The following CXCL13 variants were observed in gnomAD, a reference collection of about 807,000 sequenced individuals.
The protein encoded by CXCL13 is C-X-C motif chemokine 13.
A neutral mutation model predicts 12.2 loss-of-function variants in CXCL13; 7 were observed. That is an observed-to-expected ratio of 0.57 (90% CI 0.33 to 1.07). CXCL13 has a LOEUF of 1.07. Among genes scored for constraint, CXCL13 ranks in the 50% least tolerant of loss-of-function variants. The pLI, the probability that CXCL13 is intolerant of heterozygous loss-of-function variation, is 0.04. For synonymous variants in CXCL13, 47 were observed against 42.4 expected, an observed-to-expected ratio of 1.11 and a Z score of -0.42; for missense variants, 113 against 127.4, an observed-to-expected ratio of 0.89 and a Z score of 0.55.
At chr4:77,520,761 G>T (rs550716092) in intron 1 of CXCL13, among the ~76,000 whole-genome samples, 1 of 152,284 alleles carries the variant, frequency 6.6e-6, no homozygotes, top group Non-Finnish European at 1.5e-5. Context: ...TGTTGAATAG[G>T]AGTGGTGAGA....
chr4:77,518,565 C>G (rs1195098313), intron 1 of CXCL13, among the ~76,000 whole-genome samples: 2 of 152,066 alleles, frequency 1.3e-5, no homozygotes, highest in Admixed American at 1.3e-4. Context: ...TTGCTGATAC[C>G]CTTTCTTCCA....
rs559262735 is a variant in CXCL13 at position 77,594,983 on chromosome 4, G to A, written c.-42-10841G>A. ...AAATAGAGGGAAAAAAATTGGCCAC[G>A]GTAAGAGTATGTACATCACAGAAAT... On this transcript the variant is annotated intron_variant, in intron 1 of 4. Coordinates refer to the CXCL13 transcript ENST00000286758. 5.3e-5 allele frequency among the ~76,000 whole-genome samples: 8 copies of A among 151,984 alleles called. No homozygotes were observed. In the South Asian group the frequency reaches 8.3e-4, roughly 16 times the overall value.
intron 1 of CXCL13, among the ~76,000 whole-genome samples, chr4:77,532,585 G>A (rs1360444753): frequency 6.6e-6 from 1 of 152,126 alleles, no homozygotes; most frequent in East Asian, 1.9e-4. Flanking sequence ...GAATTTGAAT[G>A]TTGGCCTGCC....
chr4:77,512,842 A>G (rs916065738), intron 1 of CXCL13, among the ~76,000 whole-genome samples: 5 of 152,124 alleles, frequency 3.3e-5, no homozygotes, highest in Non-Finnish European at 7.4e-5. Flanking sequence ...GGTTTCATAC[A>G]TAGGTATACA....
Position 77,567,219 on chromosome 4 carries a change from G to A in CXCL13, c.-42-38605G>A, listed in dbSNP as rs191744630. On this transcript the variant is annotated intron_variant, in intron 1 of 4. Coordinates refer to the CXCL13 transcript ENST00000286758. ...CAAAAAAATTGCTCCTAACTCCACC[G>A]CCTATCCCAAACCTATAAGAACTAA... Among the ~76,000 whole-genome samples the A allele has an allele frequency of 1.8e-3, 269 of 152,066 alleles. 2 individuals are homozygous for A. Among genetic ancestry groups the A allele is most frequent in the African/African-American group, 6.2e-3 (258 of 41,478 alleles).
At chr4:77,559,539 T>C in intron 1 of CXCL13, among the ~76,000 whole-genome samples, 1 of 152,152 alleles carries the variant, frequency 6.6e-6, no homozygotes, top group East Asian at 1.9e-4. Context: ...ACATTACAGC[T>C]ATCGCACAGC....
chr4:77,554,611 A>T lies in CXCL13; in HGVS notation c.-43+42823A>T, dbSNP rs77868217. Among the ~76,000 whole-genome samples, 35 of 152,240 alleles carry T rather than the reference A, an allele frequency of 2.3e-4. No individual in the cohort carries two copies. In the East Asian group the frequency reaches 6.7e-3, roughly 29 times the overall value. ...TTGATCTAGATATTTACAGAACAAC[A>T]TTTCTAGGATGCTCCATGGAACAAC... On this transcript the variant is annotated intron_variant, in intron 1 of 4. Coordinates refer to the CXCL13 transcript ENST00000286758.
intron 1 of CXCL13, among the ~76,000 whole-genome samples, chr4:77,573,864 G>C (rs1355252312): frequency 1.3e-5 from 2 of 151,766 alleles, no homozygotes; most frequent in Non-Finnish European, 2.9e-5. Context: ...TTCCTGACTT[G>C]AATTTTCTTT....
chr4:77,532,960 ACTT>A (rs1302845601), intron 1 of CXCL13, among the ~76,000 whole-genome samples: 1 of 151,816 alleles, frequency 6.6e-6, no homozygotes, highest in Non-Finnish European at 1.5e-5. Flanking sequence ...TAGGTTTTTA[ACTT>A]CTTTGCCATG....
At chr4:77,578,837 C>T (rs563983395) in intron 1 of CXCL13, among the ~76,000 whole-genome samples, 1 of 152,302 alleles carries the variant, frequency 6.6e-6, no homozygotes, top group African/African-American at 2.4e-5. Context: ...AATCACACCC[C>T]CAAATTTTAC....
intron 1 of CXCL13, among the ~76,000 whole-genome samples, chr4:77,569,341 G>A (rs920188279): frequency 6.6e-6 from 1 of 152,190 alleles, no homozygotes; most frequent in Non-Finnish European, 1.5e-5. Flanking sequence ...GTTTGCAGAT[G>A]ACATGATCCT....
chr4:77,524,366 C>A (rs1349785665), intron 1 of CXCL13, among the ~76,000 whole-genome samples: 2 of 152,198 alleles, frequency 1.3e-5, no homozygotes, highest in African/African-American at 2.4e-5. Flanking sequence ...GTAGGCCTTG[C>A]TGAGCTGTGG....
chr4:77,597,410 AT>A (rs1193107733), intron 1 of CXCL13, among the ~76,000 whole-genome samples: 2 of 152,168 alleles, frequency 1.3e-5, no homozygotes, highest in African/African-American at 4.8e-5. Context: ...AAAGATTTCC[AT>A]TCTTTTGGCA....
chr4:77,589,772 C>T (rs557007937), intron 1 of CXCL13, among the ~76,000 whole-genome samples: 2 of 152,154 alleles, frequency 1.3e-5, no homozygotes, highest in Non-Finnish European at 2.9e-5. Context: ...GAGACATGGA[C>T]ATTGACAGAT....
At chr4:77,526,087 A>G (rs1724757300) in intron 1 of CXCL13, among the ~76,000 whole-genome samples, 2 of 152,112 alleles carry the variant, frequency 1.3e-5, no homozygotes. Context: ...CACAGAGAAG[A>G]CTGCAGAAGG....
chr4:77,566,090 T>C (rs567712986), intron 1 of CXCL13, among the ~76,000 whole-genome samples: 13 of 152,318 alleles, frequency 8.5e-5, no homozygotes, highest in Non-Finnish European at 1.6e-4. Context: ...ATCCTCTGTA[T>C]AATTCAGTTC....
chr4:77,522,774 C>T (rs970468396), intron 1 of CXCL13, among the ~76,000 whole-genome samples: 1 of 151,626 alleles, frequency 6.6e-6, no homozygotes, highest in Admixed American at 6.6e-5. Context: ...GGCTATTTTG[C>T]CCGTTTATTG....
intron 1 of CXCL13, among the ~76,000 whole-genome samples, chr4:77,575,577 G>A (rs1275399660): frequency 6.6e-6 from 1 of 151,798 alleles, no homozygotes; most frequent in Admixed American, 6.6e-5. Flanking sequence ...ATATTTTGCT[G>A]AGAATGATGG....
At chr4:77,563,381 G>C (rs1725859544) in intron 1 of CXCL13, among the ~76,000 whole-genome samples, 1 of 152,180 alleles carries the variant, frequency 6.6e-6, no homozygotes, top group Non-Finnish European at 1.5e-5. Context: ...GTTTCCCTGC[G>C]AGATTAATGT....
Sources: gnomAD v4.1 joint callset for allele counts (sites outside exome capture counted in the v4.1 genomes callset) on GRCh38, gnomAD v4.1.1 for gene constraint, MANE v1.5 for transcripts, NCBI Gene and HGNC (gene_info 2026-07-23, HGNC 2026-07-21) for gene names.